Variants in SPPL3 observed in about 807,000 individuals in gnomAD.
SPPL3 encodes signal peptide peptidase like 3, also known as signal peptide peptidase-like 3.
In SPPL3, 5 loss-of-function variants were observed where a neutral mutation model predicts 42.4. The observed-to-expected ratio is 0.12, with a 90% CI of 0.06 to 0.25. The LOEUF (loss-of-function observed/expected upper bound fraction) is 0.25, where lower values mean the gene tolerates loss of function less well. Among genes scored for constraint, SPPL3 ranks in the 10% least tolerant of loss-of-function variants. The pLI is 1.00. For synonymous variants in SPPL3, 195 were observed against 181.8 expected (o/e 1.07, Z -0.58); for missense variants, 235 against 489.0 (o/e 0.48, Z 4.90).
At chr12:120,817,447 TG>T (rs1189078171) in intron 1 of SPPL3, among the ~76,000 whole-genome samples, 1 of 152,188 alleles carries the variant, frequency 6.6e-6, no homozygotes, top group East Asian at 1.9e-4. Flanking sequence ...TGACTAAAAT[TG>T]GTATTTTCCT....
chr12:120,846,306 A>G (rs1211215161), intron 1 of SPPL3, among the ~76,000 whole-genome samples: 2 of 152,234 alleles, frequency 1.3e-5, no homozygotes, highest in Non-Finnish European at 2.9e-5. Context: ...CTAACTTCAT[A>G]AATTCATTTC....
intron 1 of SPPL3, among the ~76,000 whole-genome samples, chr12:120,864,551 CA>C (rs2137044878): frequency 6.6e-6 from 1 of 152,170 alleles, no homozygotes; most frequent in South Asian, 2.1e-4. Context: ...AAAACAAAAA[CA>C]AAACCTGGGA....
At chr12:120,875,465 T>C (rs1873055537) in intron 1 of SPPL3, among the ~76,000 whole-genome samples, 1 of 151,666 alleles carries the variant, frequency 6.6e-6, no homozygotes, top group African/African-American at 2.4e-5. Flanking sequence ...CCATCTCTAC[T>C]AAAAATGCAA....
chr12:120,770,006 T>C (rs996157435), intron 6 of SPPL3: 1 of 151,530 alleles, frequency 6.6e-6, no homozygotes, highest in African/African-American at 2.4e-5. Flanking sequence ...CTTTTGCAGA[T>C]GGTTTGTCTG....
chr12:120,782,308 T>C (rs1466320791), intron 6 of SPPL3, among the ~76,000 whole-genome samples: 1 of 152,246 alleles, frequency 6.6e-6, no homozygotes, highest in Non-Finnish European at 1.5e-5. Context: ...AATGGAACAG[T>C]ATTCAGCCAT....
At chr12:120,878,458 G>T (rs1402674879) in intron 1 of SPPL3, among the ~76,000 whole-genome samples, 1 of 152,226 alleles carries the variant, frequency 6.6e-6, no homozygotes, top group African/African-American at 2.4e-5. Context: ...AAGGGATTGG[G>T]TCTCAATTCA....
intron 1 of SPPL3, among the ~76,000 whole-genome samples, chr12:120,874,820 G>T (rs1320856106): frequency 6.6e-6 from 1 of 152,022 alleles, no homozygotes; most frequent in East Asian, 1.9e-4. Flanking sequence ...CCTTCTCCTT[G>T]AATTCAGACA....
chr12:120,779,254 G>A (rs1792989760), intron 6 of SPPL3, among the ~76,000 whole-genome samples: 1 of 152,166 alleles, frequency 6.6e-6, no homozygotes, highest in Non-Finnish European at 1.5e-5. Context: ...CACTCTGGGT[G>A]GCTCTGGGCT....
intron 6 of SPPL3, among the ~76,000 whole-genome samples, chr12:120,780,757 A>C (rs927156535): frequency 4.6e-5 from 7 of 150,912 alleles, no homozygotes; most frequent in African/African-American, 1.7e-4. Context: ...AAAAAACAAA[A>C]CAAAAATTAG....
At chr12:120,882,351 T>G (rs1016086843) in intron 1 of SPPL3, among the ~76,000 whole-genome samples, 7 of 152,116 alleles carry the variant, frequency 4.6e-5, no homozygotes, top group African/African-American at 1.5e-4. Context: ...GTGGTGAAGG[T>G]TGCACAATAA....
intron 1 of SPPL3, among the ~76,000 whole-genome samples, chr12:120,878,641 T>C (rs1052728961): frequency 3.9e-5 from 6 of 152,192 alleles, no homozygotes; most frequent in South Asian, 2.1e-4. Context: ...AGAGCTAAAA[T>C]GAACAATTCA....
chr12:120,856,007 T>C (rs527771977), intron 1 of SPPL3, among the ~76,000 whole-genome samples: 1 of 152,326 alleles, frequency 6.6e-6, no homozygotes, highest in Admixed American at 6.5e-5. Context: ...TCTGTGATCA[T>C]GAAAACATTC....
At chr12:120,839,238 C>G (rs925597786) in intron 1 of SPPL3, among the ~76,000 whole-genome samples, 1 of 151,320 alleles carries the variant, frequency 6.6e-6, no homozygotes, top group Admixed American at 6.6e-5. Context: ...AATCATCATT[C>G]TCAGTGAACT....
rs896198351 is a variant in SPPL3, at chr12:120,763,351, C to A, written c.*1648G>T. The A allele has an allele frequency of 5.2e-5, 8 of 152,704 alleles. No homozygotes were observed. The highest frequency in any genetic ancestry group is 1.7e-4 in the African/African-American group (7 of 41,436). 9.5% of individuals were successfully genotyped at this position (152,704 alleles called of 1,614,324 possible). A position where few individuals can be genotyped will look rare whatever the true frequency, so the allele number is the denominator to read the frequency against. On this transcript the variant is annotated 3_prime_UTR_variant, in exon 11 of 11. Transcript: ENST00000353487. ...GACTCTGTTGACAACAGGATGGGTG[C>A]CCCCTGTGAGCTCGATCCACAGTGA...
At chr12:120,781,217 AAG>A (rs1212690744) in intron 6 of SPPL3, among the ~76,000 whole-genome samples, 1 of 152,182 alleles carries the variant, frequency 6.6e-6, no homozygotes, top group African/African-American at 2.4e-5. Context: ...ATCATCAATG[AAG>A]AGAAATTCTC....
intron 5 of SPPL3, 34 bp from the exon 6 acceptor site, chr12:120,782,801 C>A (rs1346670225): frequency 2.0e-6 from 3 of 1,489,632 alleles, no homozygotes; most frequent in African/African-American, 2.8e-5. Context: ...GGACAGTGGG[C>A]ACACTTTATT....
chr12:120,782,912 G>A (rs1869592785), intron 5 of SPPL3, 145 bp from the exon 6 acceptor site: 1 of 622,154 alleles, frequency 1.6e-6, no homozygotes, highest in Non-Finnish European at 2.9e-6. Flanking sequence ...CTTTTTTGGA[G>A]AAACCTATGG....
intron 1 of SPPL3, among the ~76,000 whole-genome samples, chr12:120,833,782 T>A (rs1311233701): frequency 6.8e-6 from 1 of 147,142 alleles, no homozygotes; most frequent in African/African-American, 2.6e-5. Context: ...TGTGTGTGTG[T>A]GTGTGTGTGT....
intron 1 of SPPL3, among the ~76,000 whole-genome samples, chr12:120,834,019 T>G (rs139070849): frequency 3.8e-4 from 58 of 152,296 alleles, no homozygotes; most frequent in Middle Eastern, 6.8e-3. Context: ...TCTACTTTAA[T>G]CCTTATGAAG....
Sources: allele counts gnomAD v4.1 joint callset (sites outside exome capture counted in the v4.1 genomes callset), GRCh38; gene constraint gnomAD v4.1.1; transcripts MANE v1.5; gene names NCBI Gene and HGNC (gene_info 2026-07-23, HGNC 2026-07-21).